ARID1B: variants seen among roughly 807,000 people sequenced by gnomAD.
ARID1B encodes AT-rich interactive domain-containing protein 1B.
A neutral mutation model predicts 212.3 loss-of-function variants in ARID1B; 30 were observed. The observed-to-expected ratio is 0.14, with a 90% CI of 0.11 to 0.19. ARID1B has a LOEUF of 0.19. Ranked by LOEUF, ARID1B falls within the 10% of genes least tolerant of loss-of-function variation. ARID1B has a pLI of 1.00. For synonymous variants in ARID1B, 1,402 were observed against 1,301.7 expected, an observed-to-expected ratio of 1.08 and a Z score of -1.66; for missense variants, 2,891 against 3,204.0, an observed-to-expected ratio of 0.90 and a Z score of 2.36.
intron 4 of ARID1B, chr6:157,071,599 A>T (rs1300877244): frequency 1.3e-5 from 2 of 152,254 alleles, no homozygotes; most frequent in Non-Finnish European, 2.9e-5. Flanking sequence ...TATTCCGGGC[A>T]CAGGCGCTAC....
At chr6:156,828,730 A>G (rs1180502338) in intron 1 of ARID1B, among the ~76,000 whole-genome samples, 1 of 152,210 alleles carries the variant, frequency 6.6e-6, no homozygotes, top group Non-Finnish European at 1.5e-5. Flanking sequence ...TCTAAAATCT[A>G]TCTTTTCACT....
At chr6:156,985,783 G>A (rs1354527626) in intron 4 of ARID1B, 5 of 152,154 alleles carry the variant, frequency 3.3e-5, no homozygotes, top group African/African-American at 4.8e-5. Flanking sequence ...ACAAAACACA[G>A]CTCTGTAAGG....
intron 6 of ARID1B, among the ~76,000 whole-genome samples, chr6:157,123,247 C>CCCCA (rs1554299918): frequency 3.6e-5 from 4 of 111,764 alleles, no homozygotes; most frequent in Non-Finnish European, 7.4e-5. Flanking sequence ...CGCCCCCCCC[C>CCCCA]CACACACACA....
intron 2 of ARID1B, chr6:156,871,590 A>T (rs1467874271): frequency 2.5e-6 from 4 of 1,606,122 alleles, no homozygotes; most frequent in Non-Finnish European, 3.4e-6. Flanking sequence ...GTTGCTCCTA[A>T]TTACTGTTTT....
chr6:156,842,318 G>A (rs768825404), intron 2 of ARID1B, among the ~76,000 whole-genome samples: 1 of 152,076 alleles, frequency 6.6e-6, no homozygotes, highest in African/African-American at 2.4e-5. Flanking sequence ...GCCTTCTACC[G>A]CTGGATTTAC....
At chr6:157,026,675 C>A (rs535154252) in intron 4 of ARID1B, among the ~76,000 whole-genome samples, 4 of 152,204 alleles carry the variant, frequency 2.6e-5, no homozygotes, top group Middle Eastern at 3.4e-3. Context: ...TGTTTTTGTG[C>A]TAAAATACCC....
At position 156,777,857 on chromosome 6, in the gene ARID1B, G is replaced by A; in HGVS notation, c.177G>A (p.Gly59=). 1 of 1,337,364 alleles carries A rather than the reference G, an allele frequency of 7.5e-7. No individual in the cohort carries two copies. The highest frequency in any genetic ancestry group is 9.5e-7 in the Non-Finnish European group (1 of 1,050,400). The allele number at this position is 1,337,364 out of a possible 1,614,324, so 82.8% of individuals were successfully genotyped here. Residue 59 remains glycine, a synonymous_variant, in exon 1 of 20, where the codon GGG becomes GGA. Transcript: ENST00000636930. ...AAAAAPGPML[G]GGGDGGGGLN... ...CGGCGGCACCGGGACCCATGCTGGG[G>A]GGCGGCGGCGACGGCGGCGGCGGCC...
chr6:156,891,897 A>C (rs1371366503), intron 2 of ARID1B, among the ~76,000 whole-genome samples: 2 of 137,042 alleles, frequency 1.5e-5, no homozygotes, highest in African/African-American at 5.7e-5. Flanking sequence ...TTTGAGACGG[A>C]GTCTCACACT....
At chr6:157,129,103 T>A (rs1788352138) in intron 6 of ARID1B, among the ~76,000 whole-genome samples, 2 of 152,268 alleles carry the variant, frequency 1.3e-5, no homozygotes, top group African/African-American at 4.8e-5. Context: ...TTTGGGAGTT[T>A]ATAAACCAAA....
intron 4 of ARID1B, among the ~76,000 whole-genome samples, chr6:156,994,892 A>G (rs1778496754): frequency 6.6e-6 from 1 of 152,232 alleles, no homozygotes; most frequent in Non-Finnish European, 1.5e-5. Flanking sequence ...GCCATGCACC[A>G]GTGCCTGCCA....
intron 4 of ARID1B, among the ~76,000 whole-genome samples, chr6:157,038,452 C>T (rs1248005539): frequency 6.6e-6 from 1 of 151,984 alleles, no homozygotes; most frequent in Admixed American, 6.6e-5. Flanking sequence ...TGTAATGCTA[C>T]CAAAAGCAAA....
intron 4 of ARID1B, chr6:156,943,364 G>A (rs1170157485): frequency 1.3e-5 from 2 of 151,934 alleles, no homozygotes; most frequent in African/African-American, 4.8e-5. Context: ...TTTAAAACAG[G>A]CATTTTGATG....
intron 2 of ARID1B, among the ~76,000 whole-genome samples, chr6:156,890,482 A>G (rs1007774532): frequency 1.3e-5 from 2 of 152,222 alleles, no homozygotes; most frequent in African/African-American, 4.8e-5. Flanking sequence ...TTTCTAAGCT[A>G]ATGGGGAGGG....
chr6:156,915,243 T>A (rs955958183), intron 3 of ARID1B, among the ~76,000 whole-genome samples: 1 of 152,228 alleles, frequency 6.6e-6, no homozygotes, highest in African/African-American at 2.4e-5. Flanking sequence ...ACAGGCTTTC[T>A]TCTTTGATAG....
At chr6:157,132,999 TTA>T in intron 6 of ARID1B, 27 bp from the exon 7 acceptor site, 2 of 1,581,572 alleles carry the variant, frequency 1.3e-6, no homozygotes, top group African/African-American at 2.7e-5. Flanking sequence ...ACACCTGCAT[TTA>T]TATGTTTCCA....
rs115699478 is a variant in ARID1B at position 156,877,101 on chromosome 6, C to T, written c.1987-24275C>T. ...ATACTCTCAAAGGTTCTATGAATCC[C>T]GAATGTTTAGCAACCACTTATTATT... On this transcript the variant is annotated intron_variant, in intron 2 of 19. Transcript: ENST00000636930. Among the ~76,000 whole-genome samples, 853 of 152,226 alleles carry T rather than the reference C, an allele frequency of 5.6e-3. 8 individuals carry two copies. Among genetic ancestry groups the T allele is most frequent in the African/African-American group, 0.02 (813 of 41,536 alleles).
chr6:156,861,528 C>G (rs1184593981), intron 2 of ARID1B, among the ~76,000 whole-genome samples: 1 of 151,972 alleles, frequency 6.6e-6, no homozygotes, highest in Admixed American at 6.6e-5. Flanking sequence ...GGAGGATTGC[C>G]TGAACCCTGG....
intron 2 of ARID1B, among the ~76,000 whole-genome samples, chr6:156,874,504 C>G (rs1053595970): frequency 4.6e-5 from 7 of 152,218 alleles, no homozygotes; most frequent in Non-Finnish European, 8.8e-5. Context: ...CACCAAGGCT[C>G]AAGGCCTGGC....
At chr6:157,000,696 C>CTTTTTTTTTTTTTTTTTTTT (rs10536002) in intron 4 of ARID1B, among the ~76,000 whole-genome samples, 1 of 99,230 alleles carries the variant, frequency 1.0e-5, no homozygotes, top group African/African-American at 4.0e-5. Context: ...TCTAATTATT[C>CTTTTTTTTTTTTTTTTTTTT]TTTTTTTTTT....
Sources: allele counts gnomAD v4.1 joint callset (sites outside exome capture counted in the v4.1 genomes callset), GRCh38; gene constraint gnomAD v4.1.1; transcripts MANE v1.5; gene names NCBI Gene and HGNC (gene_info 2026-07-23, HGNC 2026-07-21).